The following SLC35F3 variants were observed in gnomAD, a reference collection of about 807,000 sequenced individuals.
SLC35F3 encodes the protein solute carrier family 35 member F3.
Under a neutral mutation model 49.9 loss-of-function variants are expected in SLC35F3, and 25 were observed. The observed-to-expected ratio is 0.50, with a 90% CI of 0.37 to 0.70. The LOEUF is 0.70. SLC35F3 is among the 30% of genes least tolerant of loss of function. The probability of loss-of-function intolerance (pLI) is 0.00; values close to 1 mark genes in which losing one functional copy is unlikely to be tolerated. For missense variants in SLC35F3, 525 were observed against 639.8 expected (o/e 0.82, Z 1.94); for synonymous variants, 275 against 265.4 (o/e 1.04, Z -0.35).
At chr1:233,937,921 G>A (rs918094743) in intron 2 of SLC35F3, among the ~76,000 whole-genome samples, 4 of 152,150 alleles carry the variant, frequency 2.6e-5, no homozygotes, top group African/African-American at 9.7e-5. Context: ...CAGGTGACTT[G>A]TTAATGTTCA....
intron 3 of SLC35F3, among the ~76,000 whole-genome samples, chr1:234,286,090 G>A (rs1668414865): frequency 1.3e-5 from 2 of 152,152 alleles, no homozygotes. Context: ...TATCGTATGT[G>A]TTAAAATCAG....
chr1:233,912,204 G>A (rs140385395), intron 2 of SLC35F3, among the ~76,000 whole-genome samples: 56 of 152,268 alleles, frequency 3.7e-4, no homozygotes, highest in Non-Finnish European at 7.1e-4. Flanking sequence ...GTTTCGCCGT[G>A]CGCGGTGGCT....
intron 3 of SLC35F3, among the ~76,000 whole-genome samples, chr1:234,234,752 G>A (rs557875875): frequency 1.3e-5 from 2 of 152,264 alleles, no homozygotes; most frequent in Admixed American, 6.5e-5. Flanking sequence ...GGGAGGCTCC[G>A]TGGGCAAGTC....
chr1:234,289,272 G>A (rs543335038), intron 3 of SLC35F3, among the ~76,000 whole-genome samples: 1 of 152,216 alleles, frequency 6.6e-6, no homozygotes, highest in East Asian at 1.9e-4. Context: ...AAATATGATA[G>A]GAATGCTGAA....
In SLC35F3 at chr1:233,994,064, A is replaced by C. The variant is rs181558686; in HGVS notation, c.283+88306A>C. Among the ~76,000 whole-genome samples the C allele has an allele frequency of 3.5e-4, 54 of 152,322 alleles. 1 individual carries two copies. The highest frequency in any genetic ancestry group is 4.4e-5 in the Non-Finnish European group (3 of 68,030). Reference sequence around the variant, plus strand: ...TGTCACCGTGCAATCTGAGAATTAGAGTCAAAGGCCAAGTTCCTGACAGAT... The same window carrying C: ...TGTCACCGTGCAATCTGAGAATTAGCGTCAAAGGCCAAGTTCCTGACAGAT... On this transcript the variant is annotated intron_variant, in intron 2 of 7. Coordinates refer to ENST00000366618, the MANE Select transcript of SLC35F3 (RefSeq NM_173508.4).
chr1:234,025,902 GT>G (rs1663971345), intron 2 of SLC35F3, among the ~76,000 whole-genome samples: 1 of 152,156 alleles, frequency 6.6e-6, no homozygotes, highest in Non-Finnish European at 1.5e-5. Context: ...CAGAATGGTA[GT>G]TCCTGGGTTT....
At chr1:234,171,412 A>T (rs1289706419) in intron 2 of SLC35F3, among the ~76,000 whole-genome samples, 3 of 152,104 alleles carry the variant, frequency 2.0e-5, no homozygotes, top group Non-Finnish European at 4.4e-5. Flanking sequence ...AGTGGGGGCG[A>T]TGTGATCTGG....
chr1:234,209,819 C>T (rs1368359615), intron 2 of SLC35F3, among the ~76,000 whole-genome samples: 3 of 152,030 alleles, frequency 2.0e-5, no homozygotes, highest in African/African-American at 7.2e-5. Context: ...ATATCAAAAA[C>T]TCCTGGGGTA....
Position 234,208,440 on chromosome 1 carries a change from G to A in SLC35F3, c.284-22977G>A, listed in dbSNP as rs144783844. Among the ~76,000 whole-genome samples the A allele has an allele frequency of 7.1e-3, 1,083 of 152,264 alleles. 4 individuals are homozygous for A. The highest frequency in any genetic ancestry group is 0.014 in the Middle Eastern group (4 of 294). ...GAAGAGTAACAAACCTCCAGAATCC[G>A]AGGAATCAGGTGGGCCCAACATAGC... On this transcript the variant is annotated intron_variant, in intron 2 of 7. Transcript: ENST00000366618.
At chr1:234,192,816 C>A in intron 2 of SLC35F3, among the ~76,000 whole-genome samples, 1 of 152,152 alleles carries the variant, frequency 6.6e-6, no homozygotes, top group East Asian at 1.9e-4. Flanking sequence ...AGTTGAGAAT[C>A]AAATCAAGAA....
At chr1:234,113,182 A>T (rs1019593532) in intron 2 of SLC35F3, among the ~76,000 whole-genome samples, 6 of 152,198 alleles carry the variant, frequency 3.9e-5, no homozygotes, top group Non-Finnish European at 8.8e-5. Flanking sequence ...TAATTTCCAC[A>T]TTTGTCCTCT....
chr1:234,017,827 A>G (rs1005905289), intron 2 of SLC35F3, among the ~76,000 whole-genome samples: 1 of 151,852 alleles, frequency 6.6e-6, no homozygotes, highest in African/African-American at 2.4e-5. Flanking sequence ...CCAAGCAAAT[A>G]TATGGTTGAT....
intron 2 of SLC35F3, among the ~76,000 whole-genome samples, chr1:234,133,546 C>T (rs888438912): frequency 1.3e-5 from 2 of 152,164 alleles, no homozygotes; most frequent in African/African-American, 4.8e-5. Context: ...CTGGCATCAC[C>T]ACTTTGGCAA....
intron 3 of SLC35F3, among the ~76,000 whole-genome samples, chr1:234,298,913 G>C (rs1475080302): frequency 6.6e-6 from 1 of 152,244 alleles, no homozygotes; most frequent in Non-Finnish European, 1.5e-5. Context: ...AGGATCCAGA[G>C]TGAAGGGACA....
At chr1:234,026,872 G>A (rs1011057943) in intron 2 of SLC35F3, 8 of 152,176 alleles carry the variant, frequency 5.3e-5, no homozygotes, top group Non-Finnish European at 1.0e-4. Context: ...GTGTACAAAG[G>A]CTCCCTAACA....
intron 2 of SLC35F3, among the ~76,000 whole-genome samples, chr1:234,067,807 T>C (rs916937359): frequency 3.9e-5 from 6 of 152,186 alleles, no homozygotes; most frequent in African/African-American, 9.6e-5. Context: ...CCAGTCCTGA[T>C]TGTTCATTCA....
intron 2 of SLC35F3, among the ~76,000 whole-genome samples, chr1:233,949,896 C>T (rs1240608100): frequency 7.2e-5 from 11 of 152,010 alleles, no homozygotes; most frequent in Admixed American, 7.2e-4. Flanking sequence ...TACTTCAGAC[C>T]CTGGGCAGAG....
At chr1:234,155,889 T>G (rs907457945) in intron 2 of SLC35F3, among the ~76,000 whole-genome samples, 4 of 152,016 alleles carry the variant, frequency 2.6e-5, no homozygotes, top group Non-Finnish European at 5.9e-5. Context: ...TATATATTCT[T>G]TTGGTCAGTA....
intron 2 of SLC35F3, among the ~76,000 whole-genome samples, chr1:233,963,332 G>A (rs866270116): frequency 2.3e-4 from 34 of 148,234 alleles, no homozygotes; most frequent in Admixed American, 2.1e-3. Flanking sequence ...ATGGAGTCTC[G>A]CTCTGTCGCC....
Sources: gnomAD v4.1 joint callset for allele counts (sites outside exome capture counted in the v4.1 genomes callset) on GRCh38, gnomAD v4.1.1 for gene constraint, MANE v1.5 for transcripts, NCBI Gene and HGNC (gene_info 2026-07-23, HGNC 2026-07-21) for gene names.